Variants in PRICKLE2 observed in about 807,000 individuals in gnomAD.
PRICKLE2 encodes prickle planar cell polarity protein 2, also known as prickle-like protein 2.
A neutral mutation model predicts 81.4 loss-of-function variants in PRICKLE2; 21 were observed. The observed-to-expected ratio is 0.26, with a 90% confidence interval of 0.18 to 0.37. PRICKLE2 has a LOEUF of 0.37. Ranked by LOEUF, PRICKLE2 falls within the 10% of genes least tolerant of loss-of-function variation. The probability of loss-of-function intolerance (pLI) is 1.00; values close to 1 mark genes in which losing one functional copy is unlikely to be tolerated. For synonymous variants in PRICKLE2, 456 were observed against 421.5 expected (o/e 1.08, Z -1.00); for missense variants, 940 against 1,109.0 (o/e 0.85, Z 2.16).
At chr3:64,216,683 A>G (rs1466644638) in intron 1 of PRICKLE2, among the ~76,000 whole-genome samples, 3 of 152,228 alleles carry the variant, frequency 2.0e-5, no homozygotes, top group Admixed American at 2.0e-4. Flanking sequence ...CACAGTGAAA[A>G]GAAGGCAGGT....
chr3:64,136,757 G>A (rs1172898595), intron 7 of PRICKLE2, among the ~76,000 whole-genome samples: 4 of 152,000 alleles, frequency 2.6e-5, no homozygotes, highest in Non-Finnish European at 4.4e-5. Context: ...CAGGTAGGAA[G>A]GTCAAGGTAG....
intron 2 of PRICKLE2, among the ~76,000 whole-genome samples, chr3:64,167,851 G>C (rs1392607741): frequency 1.3e-5 from 2 of 152,182 alleles, no homozygotes; most frequent in African/African-American, 2.4e-5. Flanking sequence ...CCCGGGATGG[G>C]GACATTTGCA....
Position 64,107,744 on chromosome 3 carries a change from G to A in PRICKLE2, c.1661-7819C>T, listed in dbSNP as rs59520390. On this transcript the variant is annotated intron_variant, in intron 7 of 7. Transcript: ENST00000638394. ...CACCTATAGTCCCAGCTACTGGGGAGGCTGAGGCAGTAGGATCACGGTTAC... is the reference window on the plus strand; with the variant it reads ...CACCTATAGTCCCAGCTACTGGGGAAGCTGAGGCAGTAGGATCACGGTTAC... Among the ~76,000 whole-genome samples, 1,111 of 152,270 alleles carry A rather than the reference G, an allele frequency of 7.3e-3. 13 individuals are homozygous for A. The highest frequency in any genetic ancestry group is 0.026 in the African/African-American group (1,061 of 41,542).
chr3:64,199,020 T>A, intron 1 of PRICKLE2, 53 bp from the exon 2 acceptor site: 1 of 1,518,122 alleles, frequency 6.6e-7, no homozygotes, highest in Non-Finnish European at 9.0e-7. Flanking sequence ...TTTTTTTTTT[T>A]CCAAGAGCCT....
At chr3:64,187,797 G>A (rs2078262686) in intron 2 of PRICKLE2, among the ~76,000 whole-genome samples, 1 of 152,200 alleles carries the variant, frequency 6.6e-6, no homozygotes, top group East Asian at 1.9e-4. Context: ...AGAGCAAACT[G>A]TCAGTAGCCT....
At chr3:64,200,311 T>A (rs2078547745) in intron 1 of PRICKLE2, 1 of 152,246 alleles carries the variant, frequency 6.6e-6, no homozygotes, top group African/African-American at 2.4e-5. Context: ...CTTCATCCCC[T>A]TTTATTGTTG....
chr3:64,210,556 C>G (rs1409474478), intron 1 of PRICKLE2, among the ~76,000 whole-genome samples: 1 of 152,196 alleles, frequency 6.6e-6, no homozygotes. Context: ...CTCTGGCCAT[C>G]TGCACCAAGA....
At chr3:64,245,911 T>C (rs1180733042) in intron 2 of PRICKLE2, among the ~76,000 whole-genome samples, 1 of 152,134 alleles carries the variant, frequency 6.6e-6, no homozygotes, top group Non-Finnish European at 1.5e-5. Flanking sequence ...AAATGATAAT[T>C]CACTGAGACT....
chr3:64,180,130 C>T (rs182774887), intron 2 of PRICKLE2, among the ~76,000 whole-genome samples: 6 of 152,226 alleles, frequency 3.9e-5, no homozygotes, highest in South Asian at 2.1e-4. Context: ...ATGTTATGTG[C>T]GTATGTTATA....
At chr3:64,198,682 A>C in intron 2 of PRICKLE2, 102 bp downstream of exon 2, 3 of 1,310,294 alleles carry the variant, frequency 2.3e-6, no homozygotes, top group Non-Finnish European at 2.2e-6. Context: ...CACTTCTCTG[A>C]ATCAGCAAAG....
At chr3:64,153,603 C>T (rs2077580059) in intron 5 of PRICKLE2, 2 of 524,874 alleles carry the variant, frequency 3.8e-6, no homozygotes, top group South Asian at 2.1e-5. Flanking sequence ...ATTAACTTAA[C>T]CACATTTAAT....
chr3:64,121,036 T>C (rs546389501), intron 7 of PRICKLE2, among the ~76,000 whole-genome samples: 1 of 152,334 alleles, frequency 6.6e-6, no homozygotes, highest in Non-Finnish European at 1.5e-5. Context: ...TCAGCCAGCC[T>C]GTGCCCTTCG....
At chr3:64,221,197 CT>C (rs2078946079) in intron 1 of PRICKLE2, among the ~76,000 whole-genome samples, 1 of 152,028 alleles carries the variant, frequency 6.6e-6, no homozygotes, top group Non-Finnish European at 1.5e-5. Flanking sequence ...CCCTCCCCTC[CT>C]CTTAAAGCTC....
chr3:64,184,937 TAGAATTGCC>T (rs2078196406), intron 2 of PRICKLE2, among the ~76,000 whole-genome samples: 1 of 152,204 alleles, frequency 6.6e-6, no homozygotes, highest in East Asian at 1.9e-4. Flanking sequence ...TCAACACACG[TAGAATTGCC>T]AAGTGGTTGG....
At chr3:64,205,102 A>G (rs908142269) in intron 1 of PRICKLE2, among the ~76,000 whole-genome samples, 1 of 7,412 alleles carries the variant, frequency 1.3e-4, no homozygotes, top group African/African-American at 1.9e-4. Flanking sequence ...GGATTTCGTT[A>G]AAAAAAAAAA....
intron 1 of PRICKLE2, among the ~76,000 whole-genome samples, chr3:64,216,705 G>A (rs930492822): frequency 1.3e-5 from 2 of 152,164 alleles, no homozygotes; most frequent in Non-Finnish European, 2.9e-5. Context: ...CAAGCTTTCT[G>A]ATCAGTCAGG....
At chr3:64,152,635 C>G (rs567434198) in intron 6 of PRICKLE2, among the ~76,000 whole-genome samples, 2 of 151,960 alleles carry the variant, frequency 1.3e-5, no homozygotes, top group East Asian at 3.9e-4. Context: ...CACTTTGGTT[C>G]CTCCTCTGCA....
chr3:64,153,095 C>T, intron 6 of PRICKLE2, 87 bp downstream of exon 6: 3 of 1,261,880 alleles, frequency 2.4e-6, no homozygotes, highest in East Asian at 2.3e-5. Context: ...GTTTCTAACA[C>T]TTGCAATCAA....
intron 7 of PRICKLE2, among the ~76,000 whole-genome samples, chr3:64,138,257 A>G (rs1021068171): frequency 1.3e-5 from 2 of 152,028 alleles, no homozygotes; most frequent in Non-Finnish European, 1.5e-5. Flanking sequence ...GTTTGACCTC[A>G]TTGCCTAGTT....
Sources: gnomAD v4.1 joint callset for allele counts (sites outside exome capture counted in the v4.1 genomes callset) on GRCh38, gnomAD v4.1.1 for gene constraint, MANE v1.5 for transcripts, NCBI Gene and HGNC (gene_info 2026-07-23, HGNC 2026-07-21) for gene names.